The following C12orf56 variants were observed in gnomAD, a reference collection of about 807,000 sequenced individuals.
C12orf56 encodes chromosome 12 open reading frame 56.
Under a neutral mutation model 69.9 loss-of-function variants are expected in C12orf56, and 71 were observed. The ratio of observed to expected loss-of-function variants is 1.02; its 90% CI spans 0.84 to 1.24. The LOEUF (loss-of-function observed/expected upper bound fraction) is 1.24. Ranked by LOEUF, C12orf56 falls within the 50% of genes most tolerant of loss-of-function variation. C12orf56 has a pLI of 0.00. For synonymous variants in C12orf56, 276 were observed against 274.1 expected (o/e 1.01, Z -0.07); for missense variants, 732 against 738.5 (o/e 0.99, Z 0.10).
intron 1 of C12orf56, among the ~76,000 whole-genome samples, chr12:64,357,249 A>G (rs1592484298): frequency 6.6e-6 from 1 of 152,282 alleles, no homozygotes; most frequent in South Asian, 2.1e-4. Context: ...AAATTTGTAT[A>G]GGTAAGTTCT....
At chr12:64,375,838 G>T (rs1435640489) in intron 1 of C12orf56, among the ~76,000 whole-genome samples, 1 of 152,096 alleles carries the variant, frequency 6.6e-6, no homozygotes, top group African/African-American at 2.4e-5. Flanking sequence ...TTTCTGATTG[G>T]ATTGTGATGT....
intron 6 of C12orf56, among the ~76,000 whole-genome samples, chr12:64,300,233 G>A (rs2038426204): frequency 6.6e-6 from 1 of 152,110 alleles, no homozygotes; most frequent in African/African-American, 2.4e-5. Context: ...AAGTATCCAA[G>A]TTATCCTACA....
intron 1 of C12orf56, among the ~76,000 whole-genome samples, chr12:64,371,000 TA>T (rs2039563192): frequency 6.6e-6 from 1 of 151,938 alleles, no homozygotes; most frequent in East Asian, 1.9e-4. Context: ...ACCCCATCTC[TA>T]AAAAACAAAA....
At chr12:64,375,095 A>G (rs1191951977) in intron 1 of C12orf56, among the ~76,000 whole-genome samples, 7 of 150,504 alleles carry the variant, frequency 4.7e-5, no homozygotes, top group Non-Finnish European at 8.9e-5. Flanking sequence ...TTTGAGAGGG[A>G]GTCTCACTCT....
At chr12:64,367,754 G>A (rs928020736) in intron 1 of C12orf56, among the ~76,000 whole-genome samples, 9 of 148,776 alleles carry the variant, frequency 6.0e-5, no homozygotes, top group East Asian at 4.0e-4. Context: ...TCCACCTGCC[G>A]CAGCCTCCCA....
chr12:64,318,655 ACTC>A lies in C12orf56; in HGVS notation c.811_813del (p.Glu271del). 1 of 1,536,818 alleles carries A rather than the reference ACTC, an allele frequency of 6.5e-7. No individual in the cohort carries two copies. The highest frequency in any genetic ancestry group is 2.4e-5 in the East Asian group (1 of 40,898). On this transcript the variant is annotated inframe_deletion, in exon 4 of 13. Transcript: ENST00000543942. Reference sequence around the variant, plus strand: ...GAAATAACATACAAATGAAGTTCTGACTCCTTTTTCTCTAAATTTGAGTTGCTC... The same window carrying A: ...GAAATAACATACAAATGAAGTTCTGACTTTTTCTCTAAATTTGAGTTGCTC...
At position 64,363,875 on chromosome 12, in the gene C12orf56, A is replaced by C. The variant is rs2039429997; in HGVS notation, c.253-10819T>G. ...ATTTCATTTTTTACTTTTGGTGTAC[A>C]AGCTGTAACATTTCATCTATCAAAG... is the stretch of plus-strand genomic sequence containing the variant. On this transcript the variant is annotated intron_variant, in intron 1 of 12. Transcript: ENST00000543942. Among the ~76,000 whole-genome samples the C allele has an allele frequency of 2.0e-5, 3 of 152,254 alleles. No homozygotes were observed. The South Asian group carries it at 6.2e-4, about 32-fold the overall frequency.
At chr12:64,324,548 G>C (rs2038814142) in intron 3 of C12orf56, among the ~76,000 whole-genome samples, 1 of 152,222 alleles carries the variant, frequency 6.6e-6, no homozygotes, top group Non-Finnish European at 1.5e-5. Flanking sequence ...GAGCTGGAAA[G>C]AGTTTGCAGT....
chr12:64,313,186 C>T (rs559051390), intron 4 of C12orf56, among the ~76,000 whole-genome samples: 16 of 147,640 alleles, frequency 1.1e-4, no homozygotes, highest in African/African-American at 2.5e-4. Flanking sequence ...GGCATGAACC[C>T]GGGGGGCGGA....
At chr12:64,356,170 CAAAAA>C (rs761289428) in intron 1 of C12orf56, among the ~76,000 whole-genome samples, 26 of 48,428 alleles carry the variant, frequency 5.4e-4, no homozygotes, top group African/African-American at 2.0e-3. Flanking sequence ...GACTCCATCT[CAAAAA>C]AAAAAAAAAA....
Position 64,266,605 on chromosome 12 carries a change from TG to T in C12orf56, c.*577del. On this transcript the variant is annotated 3_prime_UTR_variant, in exon 13 of 13. Coordinates refer to ENST00000543942, the MANE Select transcript of C12orf56 (RefSeq NM_001170633.2). ...GACTCCAAGAACCTAGTCGAAATAA[TG>T]GTTTTTGGATGGCTCTGAGTACAGA... The T allele has an allele frequency of 2.0e-6, 1 of 512,270 alleles. No individual in the cohort carries two copies. Among genetic ancestry groups the T allele is most frequent in the Non-Finnish European group, 3.1e-6 (1 of 321,566 alleles). 31.7% of individuals were successfully genotyped at this position (512,270 alleles called of 1,614,324 possible). A position where few individuals can be genotyped will look rare whatever the true frequency, so the allele number is the denominator to read the frequency against.
intron 8 of C12orf56, among the ~76,000 whole-genome samples, 162 bp from the exon 9 acceptor site, chr12:64,277,965 T>C (rs927923479): frequency 6.6e-6 from 1 of 152,150 alleles, no homozygotes; most frequent in Non-Finnish European, 1.5e-5. Flanking sequence ...AATGAATAAC[T>C]AGAGATAAAA....
intron 6 of C12orf56, among the ~76,000 whole-genome samples, chr12:64,288,709 A>G (rs2038242141): frequency 7.2e-6 from 1 of 139,674 alleles, no homozygotes; most frequent in Non-Finnish European, 1.5e-5. Flanking sequence ...ATTGATCTAT[A>G]TCTCTGTTTT....
intron 1 of C12orf56, among the ~76,000 whole-genome samples, chr12:64,375,658 A>G (rs1281578417): frequency 6.6e-6 from 1 of 152,220 alleles, no homozygotes; most frequent in Admixed American, 6.5e-5. Flanking sequence ...CAACTACACA[A>G]AAAGTTTTGG....
At chr12:64,332,488 TTC>T (rs1262307188) in intron 2 of C12orf56, among the ~76,000 whole-genome samples, 1 of 152,192 alleles carries the variant, frequency 6.6e-6, no homozygotes, top group Non-Finnish European at 1.5e-5. Context: ...TCAATTTTTC[TTC>T]TGTCTCACTT....
intron 4 of C12orf56, 128 bp downstream of exon 4, chr12:64,318,447 T>G: frequency 1.2e-6 from 1 of 807,466 alleles, no homozygotes; most frequent in Non-Finnish European, 1.9e-6. Flanking sequence ...CATTTTGTTT[T>G]TCACAATATT....
chr12:64,333,831 A>T (rs950921635), intron 2 of C12orf56, among the ~76,000 whole-genome samples: 1 of 152,160 alleles, frequency 6.6e-6, no homozygotes, highest in African/African-American at 2.4e-5. Context: ...ACTTTGTAAT[A>T]ATGGTCTGGA....
At chr12:64,350,399 T>C (rs2039206921) in intron 2 of C12orf56, among the ~76,000 whole-genome samples, 1 of 152,230 alleles carries the variant, frequency 6.6e-6, no homozygotes, top group South Asian at 2.1e-4. Context: ...AGTAATAACG[T>C]ACCACAGAGT....
intron 1 of C12orf56, among the ~76,000 whole-genome samples, chr12:64,374,920 T>C (rs1349704645): frequency 1.3e-5 from 2 of 152,182 alleles, no homozygotes; most frequent in Non-Finnish European, 2.9e-5. Flanking sequence ...CAAACATAAT[T>C]GCGGTTTTTG....
Sources: gnomAD v4.1 joint callset for allele counts (sites outside exome capture counted in the v4.1 genomes callset) on GRCh38, gnomAD v4.1.1 for gene constraint, MANE v1.5 for transcripts, NCBI Gene and HGNC (gene_info 2026-07-23, HGNC 2026-07-21) for gene names.